The following LOXL4 variants were observed in gnomAD, a reference collection of about 807,000 sequenced individuals.
LOXL4 encodes the protein lysyl oxidase homolog 4.
Under a neutral mutation model 89.1 loss-of-function variants are expected in LOXL4, and 72 were observed. The ratio of observed to expected loss-of-function variants is 0.81; its 90% confidence interval spans 0.67 to 0.98. The LOEUF is 0.98. LOXL4 is among the 50% of genes least tolerant of loss of function. The pLI is 0.00. For synonymous variants in LOXL4, 355 were observed against 392.1 expected, an observed-to-expected ratio of 0.91 and a Z score of 1.12; for missense variants, 984 against 1,017.5, an observed-to-expected ratio of 0.97 and a Z score of 0.45.
At chr10:98,254,985 G>GTCCA (rs1858314087) in intron 10 of LOXL4, among the ~76,000 whole-genome samples, 1 of 152,242 alleles carries the variant, frequency 6.6e-6, no homozygotes, top group African/African-American at 2.4e-5. Flanking sequence ...GCTGGATATA[G>GTCCA]TCCATCTTGG....
rs1352434368 is a variant in LOXL4, at chr10:98,265,499, G to A, written c.-32-2448C>T. On this transcript the variant is annotated intron_variant, in intron 1 of 14. Transcript: ENST00000260702. ...ACTCACTGCAACCTCCGCCTCCAGG[G>A]TTCAAGTGATTATCTTGCCTTAGCC... 2.3e-5 allele frequency among the ~76,000 whole-genome samples: 3 copies of A among 128,872 alleles called. 1 individual carries two copies. The highest frequency in any genetic ancestry group is 5.2e-5 in the Non-Finnish European group (3 of 57,858). The allele number at this position is 128,872 out of a possible 152,430, so 84.5% of individuals were successfully genotyped here. A position where few individuals can be genotyped will look rare whatever the true frequency, so the allele number is the denominator to read the frequency against.
chr10:98,262,096 C>T lies in LOXL4; in HGVS notation c.395G>A (p.Cys132Tyr). The change falls in exon 3 of 15, where the codon TGC becomes TAC. Residue 132 changes from cysteine to tyrosine, a missense_variant. By Grantham distance (194) the Cys-to-Tyr change is radical (BLOSUM62 -2). Transcript: ENST00000260702. ...GTAGCCACGATGGCGCCGGGGGTGG[C>T]ATATCACCCCTACGTCTTCTGAGTG... Reference protein sequence around the residue: ...CSHSEDVGVICHPRRHRGYLS... With the variant: ...CSHSEDVGVIYHPRRHRGYLS... 4 of 1,612,832 alleles carry T rather than the reference C, an allele frequency of 2.5e-6. No individual in the cohort carries two copies. Among genetic ancestry groups the T allele is most frequent in the Non-Finnish European group, 2.5e-6 (3 of 1,179,732 alleles).
At chr10:98,259,306 G>C (rs1326052528) in intron 5 of LOXL4, 78 bp from the exon 6 acceptor site, 1 of 1,575,494 alleles carries the variant, frequency 6.3e-7, no homozygotes, top group Non-Finnish European at 8.7e-7. Flanking sequence ...AAGGTAGAAA[G>C]GAGGGAAGGG....
Position 98,259,046 on chromosome 10 carries a change from G to A in LOXL4, c.884C>T (p.Pro295Leu), listed in dbSNP as rs1362528120. Residue 295 changes from proline (P) to leucine (L), a missense_variant, in exon 6 of 15, where the codon CCG becomes CTG. Physicochemically the swap from Pro to Leu is moderately conservative, Grantham distance 98. Transcript: ENST00000260702. The stretch of plus-strand genomic sequence containing the variant: ...CCCTTTGCGTTGTGGCTTTGTCTTC[G>A]GTGGGCGGAAGTGAGGCCCTGCCAC... ...SCVAGPHFRP[P>L]KTKPQRKGSW... 8 of 1,562,568 alleles carry A rather than the reference G, an allele frequency of 5.1e-6. No homozygotes were observed. The highest frequency in any genetic ancestry group is 3.5e-5 in the South Asian group (3 of 85,324).
chr10:98,261,599 C>T (rs1405667224), intron 3 of LOXL4, among the ~76,000 whole-genome samples: 1 of 152,234 alleles, frequency 6.6e-6, no homozygotes, highest in African/African-American at 2.4e-5. Flanking sequence ...CCCATCACAA[C>T]ACGCTGCATT....
chr10:98,261,422 G>A (rs1245655741), intron 3 of LOXL4, among the ~76,000 whole-genome samples: 1 of 152,226 alleles, frequency 6.6e-6, no homozygotes, highest in Admixed American at 6.5e-5. Flanking sequence ...CAGGATGGGA[G>A]CCCTTGGAGT....
intron 6 of LOXL4, among the ~76,000 whole-genome samples, chr10:98,258,661 C>T (rs993401995): frequency 3.3e-5 from 5 of 152,154 alleles, no homozygotes; most frequent in African/African-American, 1.2e-4. Context: ...TGAGGCGTCT[C>T]TACCACCTCA....
At position 98,256,770 on chromosome 10, in the gene LOXL4, A is replaced by G; in HGVS notation, c.1428+10T>C. On this transcript the variant is annotated intron_variant, in intron 9 of 14. Transcript: ENST00000260702. Reference sequence around the variant, plus strand: ...AGAGGTCATACGGAAGAAACAACAGAGGGACCTACCTTGTAGGCATGGATG... The same window carrying G: ...AGAGGTCATACGGAAGAAACAACAGGGGGACCTACCTTGTAGGCATGGATG... 1 of 1,614,010 alleles carries G rather than the reference A, an allele frequency of 6.2e-7. No homozygotes were observed. The highest frequency in any genetic ancestry group is 8.5e-7 in the Non-Finnish European group (1 of 1,180,034).
chr10:98,251,663 T>G lies in LOXL4; in HGVS notation c.1991A>C (p.Gln664Pro), dbSNP rs749117605. 1.2e-6 allele frequency: 2 copies of G among 1,614,232 alleles called. No homozygotes were observed. The highest frequency in any genetic ancestry group is 1.3e-5 in the African/African-American group (1 of 75,064). Residue 664 changes from glutamine to proline, a missense_variant, in exon 13 of 15, where the codon CAG (glutamine) becomes CCG (proline). By Grantham distance (76) the Gln-to-Pro change is moderately conservative. Coordinates refer to ENST00000260702, the MANE Select transcript of LOXL4 (RefSeq NM_032211.7). ...GTCCCAGCAGCCTACAGTCACTCCC[T>G]GTTCTCCAAAGTTGGCACATGCGTA... ...RRYACANFGEQGVTVGCWDTY... is the reference protein window; with the variant it reads ...RRYACANFGEPGVTVGCWDTY...
intron 12 of LOXL4, chr10:98,252,042 T>G (rs1351533033): frequency 2.1e-6 from 1 of 479,998 alleles, no homozygotes; most frequent in East Asian, 3.9e-5. Flanking sequence ...ACTGTGGGTG[T>G]GCAGACAGGA....
At chr10:98,266,085 C>T (rs1425020982) in intron 1 of LOXL4, among the ~76,000 whole-genome samples, 1 of 152,190 alleles carries the variant, frequency 6.6e-6, no homozygotes, top group Non-Finnish European at 1.5e-5. Context: ...CCCATTCCCT[C>T]CTCCGTGCTC....
At chr10:98,261,270 C>A in intron 3 of LOXL4, 143 bp from the exon 4 acceptor site, 1 of 823,398 alleles carries the variant, frequency 1.2e-6, no homozygotes, top group South Asian at 1.7e-5. Flanking sequence ...GGCCAGGAAA[C>A]TGAGGCCCAG....
rs757157746 is a variant in LOXL4 at position 98,253,561 on chromosome 10, C to T, written c.1827G>A (p.Gln609=). Residue 609 remains glutamine (Q), a synonymous_variant, in exon 11 of 15, where the codon CAG becomes CAA. Coordinates refer to ENST00000260702, the MANE Select transcript of LOXL4 (RefSeq NM_032211.7). ...KTGRDSWVWH[Q]CHRHYHSIEV... Reference sequence around the variant, plus strand: ...CATGGGCAGGCTCTAACCTGTGGCACTGGTGCCAAACCCAGCTATCGCGTC... The same window carrying T: ...CATGGGCAGGCTCTAACCTGTGGCATTGGTGCCAAACCCAGCTATCGCGTC... 3.7e-6 allele frequency: 6 copies of T among 1,614,270 alleles called. No homozygotes were observed. The Admixed American group carries it at 5.0e-5, about 13-fold the overall frequency.
intron 3 of LOXL4, 110 bp downstream of exon 3, chr10:98,261,925 T>G (rs1858552541): frequency 8.5e-7 from 1 of 1,177,736 alleles, no homozygotes; most frequent in Non-Finnish European, 1.2e-6. Context: ...CGATGCTCAG[T>G]GCAGACTGCA....
chr10:98,266,791 G>C (rs146649556), intron 1 of LOXL4, among the ~76,000 whole-genome samples: 1 of 152,036 alleles, frequency 6.6e-6, no homozygotes, highest in African/African-American at 2.4e-5. Context: ...ATCCCACAAG[G>C]CCAGCTCAAA....
At position 98,251,706 on chromosome 10, in the gene LOXL4, TA is replaced by T. The variant is rs755270433; in HGVS notation, c.1952-5del. 2 of 1,613,918 alleles carry T rather than the reference TA, an allele frequency of 1.2e-6. No individual in the cohort carries two copies. The highest frequency in any genetic ancestry group is 1.7e-6 in the Non-Finnish European group (2 of 1,180,002). Reference sequence around the variant, plus strand: ...CATGCGTAGCGCCGCTGCAGTCCTGTAAGGAAGGGGACAGACAGGTTTTGAG... The same window carrying T: ...CATGCGTAGCGCCGCTGCAGTCCTGTAGGAAGGGGACAGACAGGTTTTGAG... On this transcript the variant is annotated splice_polypyrimidine_tract_variant and splice_region_variant and intron_variant, in intron 12 of 14. Transcript: ENST00000260702.
In LOXL4 at chr10:98,254,682, G is replaced by A. The variant is rs777106612; in HGVS notation, c.1592-886C>T. On this transcript the variant is annotated intron_variant, in intron 10 of 14. Transcript: ENST00000260702. ...AGGATCAAATGTGTTCAAGAAGAGC[G>A]CTCCCACTGTAGGCAGTGGAGCAGG... 6.6e-5 allele frequency among the ~76,000 whole-genome samples: 10 copies of A among 152,200 alleles called. 1 individual carries two copies. Among genetic ancestry groups the A allele is most frequent in the Admixed American group, 2.0e-4 (3 of 15,282 alleles).
chr10:98,255,419 G>A (rs1397392168), intron 10 of LOXL4, among the ~76,000 whole-genome samples, 158 bp downstream of exon 10: 1 of 152,090 alleles, frequency 6.6e-6, no homozygotes, highest in African/African-American at 2.4e-5. Context: ...GGATCCTGAT[G>A]GGATGGGTGA....
chr10:98,263,818 G>A (rs918859380), intron 1 of LOXL4, among the ~76,000 whole-genome samples: 5 of 144,466 alleles, frequency 3.5e-5, no homozygotes, highest in Non-Finnish European at 7.5e-5. Context: ...TGCAACCTCC[G>A]CCTCCCAGGT....
Sources: gnomAD v4.1 joint callset for allele counts (sites outside exome capture counted in the v4.1 genomes callset) on GRCh38, gnomAD v4.1.1 for gene constraint, MANE v1.5 for transcripts, NCBI Gene and HGNC (gene_info 2026-07-23, HGNC 2026-07-21) for gene names.